THRAP3: variants seen among roughly 807,000 people sequenced by gnomAD.
The protein encoded by THRAP3 is thyroid hormone receptor associated protein 3.
A neutral mutation model predicts 101.0 loss-of-function variants in THRAP3; 16 were observed. The ratio of observed to expected loss-of-function variants is 0.16; its 90% CI spans 0.11 to 0.24. The LOEUF (loss-of-function observed/expected upper bound fraction) is 0.24, where lower values mean the gene tolerates loss of function less well. THRAP3 is among the 10% of genes least tolerant of loss of function. The pLI, the probability that THRAP3 is intolerant of heterozygous loss-of-function variation, is 1.00. For missense variants in THRAP3, 989 were observed against 1,202.7 expected (o/e 0.82, Z 2.63); for synonymous variants, 407 against 422.6 (o/e 0.96, Z 0.45).
rs1403822494 is a variant in THRAP3, at chr1:36,286,628, G to A, written c.398G>A (p.Arg133Lys). Residue 133 changes from arginine (R) to lysine (K), a missense_variant, in exon 4 of 12, where the codon AGG (arginine) becomes AAG (lysine). Arg to Lys is a conservative substitution (Grantham distance 26). Transcript: ENST00000354618. This position sits in a 1 kb window ranked among gnomAD's most constrained non-coding sequence, Gnocchi z 5.5. ...TCAAGATCCCGGTCCCCAAAGAGAAGGTCCCCTTCACCAAGGTCCAGGAGC... is the reference window on the plus strand; with the variant it reads ...TCAAGATCCCGGTCCCCAAAGAGAAAGTCCCCTTCACCAAGGTCCAGGAGC... ...GRSRSRSPKR[R>K]SPSPRSRSHS... The A allele has an allele frequency of 1.2e-6, 2 of 1,614,118 alleles. No individual in the cohort carries two copies. The highest frequency in any genetic ancestry group is 2.2e-5 in the East Asian group (1 of 44,886).
intron 1 of THRAP3, among the ~76,000 whole-genome samples, chr1:36,242,535 C>T (rs1645174637): frequency 6.7e-6 from 1 of 148,758 alleles, no homozygotes; most frequent in Non-Finnish European, 1.5e-5. Flanking sequence ...TCACTGCAAG[C>T]TCTGCCTCAT....
chr1:36,229,423 G>GTTTTTTTTTTTGTT (rs1557803187), intron 1 of THRAP3, among the ~76,000 whole-genome samples: 1 of 38,942 alleles, frequency 2.6e-5, no homozygotes, highest in Admixed American at 3.8e-4. Context: ...TTTTTTTTTT[G>GTTTTTTTTTTTGTT]TTTTTTTTTT....
rs150871262 is a variant in THRAP3 at position 36,292,722 on chromosome 1, G to A, written c.2030+13G>A. On this transcript the variant is annotated intron_variant, in intron 7 of 11. Transcript: ENST00000354618. ...CAGAGATACACAGGTAAGGACCATG[G>A]CCTTATACTGGAGGTTGTAATAAAA... 76 of 1,571,532 alleles carry A rather than the reference G, an allele frequency of 4.8e-5. No homozygotes were observed. In the African/African-American group the frequency reaches 5.9e-4, roughly 12 times the overall value.
chr1:36,219,032 CAAAA>C, the THRAP3 span, among the ~76,000 whole-genome samples: 2,727 of 64,596 alleles, frequency 0.042, 59 homozygotes, highest in African/African-American at 0.11. Flanking sequence ...GGCTCCATCT[CAAAA>C]AAAAAAAAAA....
the THRAP3 span, among the ~76,000 whole-genome samples, chr1:36,214,137 G>A: frequency 7.9e-4 from 121 of 152,304 alleles, no homozygotes; most frequent in Non-Finnish European, 1.4e-3. Flanking sequence ...TGTCAATTCC[G>A]TGCTTAGCCA....
In THRAP3 at chr1:36,236,431, G is replaced by T. The variant is rs540490938; in HGVS notation, c.-135+11926G>T. On this transcript the variant is annotated intron_variant, in intron 1 of 11. Coordinates refer to ENST00000354618, the MANE Select transcript of THRAP3 (RefSeq NM_005119.4). ...TAGAGAGACAGTGCTGGTATACATT[G>T]CCCTTTTTCTTCCTTTCTTCCCTTC... Among the ~76,000 whole-genome samples the T allele has an allele frequency of 8.5e-5, 13 of 152,050 alleles. No homozygotes were observed. The South Asian group carries it at 2.7e-3, about 32-fold the overall frequency.
At position 36,263,106 on chromosome 1, in the gene THRAP3, G is replaced by A. The variant is rs557329407; in HGVS notation, c.-32+3622G>A. Among the ~76,000 whole-genome samples the A allele has an allele frequency of 9.4e-5, 14 of 148,394 alleles. No homozygotes were observed. The South Asian group carries it at 3.0e-3, about 32-fold the overall frequency. On this transcript the variant is annotated intron_variant, in intron 2 of 11. Coordinates refer to ENST00000354618, the MANE Select transcript of THRAP3 (RefSeq NM_005119.4). ...ATTACAGGCGTGAGCCACTGCACCC[G>A]GCCTATTTTATTTATTTTTTGGAGG...
intron 9 of THRAP3, among the ~76,000 whole-genome samples, chr1:36,299,245 C>T (rs1645998866): frequency 6.6e-6 from 1 of 151,884 alleles, no homozygotes; most frequent in Non-Finnish European, 1.5e-5. Context: ...TTGAGACCAT[C>T]CTGGCCAACA....
At chr1:36,278,986 A>G (rs1448027070) in intron 2 of THRAP3, among the ~76,000 whole-genome samples, 1 of 152,078 alleles carries the variant, frequency 6.6e-6, no homozygotes, top group Non-Finnish European at 1.5e-5. Flanking sequence ...ATTAGTTTCA[A>G]TTCATGTTAA....
intron 1 of THRAP3, among the ~76,000 whole-genome samples, chr1:36,242,382 G>A (rs1645171487): frequency 1.3e-5 from 2 of 151,948 alleles, no homozygotes; most frequent in South Asian, 4.2e-4. Context: ...TGAACTCCTG[G>A]GCTGAAGTGA....
chr1:36,266,546 A>G (rs898238928), intron 2 of THRAP3, among the ~76,000 whole-genome samples: 1 of 152,206 alleles, frequency 6.6e-6, no homozygotes, highest in Non-Finnish European at 1.5e-5. Flanking sequence ...GCCATATGAT[A>G]TGAGCAGAAA....
intron 3 of THRAP3, among the ~76,000 whole-genome samples, chr1:36,284,789 C>A (rs1319445085): frequency 1.3e-5 from 2 of 152,170 alleles, no homozygotes; most frequent in African/African-American, 2.4e-5. Context: ...ATGAATTAAA[C>A]CCTCCTTAGT....
intron 1 of THRAP3, among the ~76,000 whole-genome samples, chr1:36,239,077 G>C (rs985429592): frequency 6.6e-6 from 1 of 151,558 alleles, no homozygotes; most frequent in Non-Finnish European, 1.5e-5. Flanking sequence ...GGGAGTACAG[G>C]TGCCCACAAC....
At chr1:36,268,723 ATT>A (rs200374533) in intron 2 of THRAP3, among the ~76,000 whole-genome samples, 11 of 143,454 alleles carry the variant, frequency 7.7e-5, no homozygotes, top group Admixed American at 2.1e-4. Flanking sequence ...ATATGAGTTA[ATT>A]TTTTTTTTTT....
In THRAP3 at chr1:36,301,627, T is replaced by C. The variant is rs770948948; in HGVS notation, c.2577T>C (p.Asp859=). Residue 859 remains aspartate (D), a synonymous_variant, in exon 11 of 12, where the codon GAT becomes GAC. Coordinates refer to ENST00000354618, the MANE Select transcript of THRAP3 (RefSeq NM_005119.4). ...ACAATAACAACAACAGCAACAACGA[T>C]TTTCAAAAAAGAAACCGGGAAGAGG... is the stretch of plus-strand genomic sequence containing the variant. ...SGNNNNNSNN[D]FQKRNREEEW... is the part of the protein sequence containing the mutation. 1 of 1,614,030 alleles carries C rather than the reference T, an allele frequency of 6.2e-7. No homozygotes were observed. The highest frequency in any genetic ancestry group is 8.5e-7 in the Non-Finnish European group (1 of 1,180,008).
intron 1 of THRAP3, among the ~76,000 whole-genome samples, chr1:36,255,987 G>A (rs1189849425): frequency 2.0e-5 from 3 of 151,972 alleles, no homozygotes; most frequent in South Asian, 4.2e-4. Flanking sequence ...CTGGTCTAAG[G>A]CACTGTTGTC....
At chr1:36,264,698 C>T (rs149953211) in intron 2 of THRAP3, among the ~76,000 whole-genome samples, 1 of 152,186 alleles carries the variant, frequency 6.6e-6, no homozygotes, top group Non-Finnish European at 1.5e-5. Context: ...TTATCTATCT[C>T]TTTTGGTCTT....
chr1:36,257,826 G>A (rs1043580599), intron 1 of THRAP3, among the ~76,000 whole-genome samples: 2 of 152,116 alleles, frequency 1.3e-5, no homozygotes, highest in Non-Finnish European at 2.9e-5. Flanking sequence ...AAAGATGGAT[G>A]TATTGGAATA....
Position 36,292,591 on chromosome 1 carries a change from C to G in THRAP3, c.1919-7C>G. On this transcript the variant is annotated splice_region_variant and splice_polypyrimidine_tract_variant and intron_variant, in intron 6 of 11. Coordinates refer to ENST00000354618, the MANE Select transcript of THRAP3 (RefSeq NM_005119.4). ...GGCCCATAATGTGTTTCTTTTAATCCCAACAGAGCATCACTTTGGGTCCTC... is the reference window on the plus strand; with the variant it reads ...GGCCCATAATGTGTTTCTTTTAATCGCAACAGAGCATCACTTTGGGTCCTC... 1 of 1,608,172 alleles carries G rather than the reference C, an allele frequency of 6.2e-7. No homozygotes were observed. The highest frequency in any genetic ancestry group is 8.5e-7 in the Non-Finnish European group (1 of 1,176,684).
Sources: gnomAD v4.1 joint callset for allele counts (sites outside exome capture counted in the v4.1 genomes callset) on GRCh38, gnomAD v4.1.1 for gene constraint, Gnocchi (gnomAD v3.1) non-coding constraint, MANE v1.5 for transcripts, NCBI Gene and HGNC (gene_info 2026-07-23, HGNC 2026-07-21) for gene names.